NCOA7: variants seen among roughly 807,000 people sequenced by gnomAD.
NCOA7 encodes the protein 140 kDa estrogen receptor-associated protein.
Under a neutral mutation model 104.3 loss-of-function variants are expected in NCOA7, and 45 were observed. The ratio of observed to expected loss-of-function variants is 0.43; its 90% CI spans 0.34 to 0.55. The LOEUF (loss-of-function observed/expected upper bound fraction) is 0.55, where lower values mean the gene tolerates loss of function less well. NCOA7 is among the 20% of genes least tolerant of loss of function. The probability of loss-of-function intolerance (pLI) is 0.02; values close to 1 mark genes in which losing one functional copy is unlikely to be tolerated. For synonymous variants in NCOA7, 398 were observed against 402.3 expected (o/e 0.99, Z 0.13); for missense variants, 1,041 against 1,119.7 (o/e 0.93, Z 1.00).
At chr6:125,795,540 C>G (rs1264674078) in intron 1 of NCOA7, among the ~76,000 whole-genome samples, 4 of 152,154 alleles carry the variant, frequency 2.6e-5, no homozygotes, top group Admixed American at 2.0e-4. Context: ...CATTTTCTCT[C>G]CTAACCTGTC....
chr6:125,867,365 A>G (rs866300386), intron 3 of NCOA7, among the ~76,000 whole-genome samples: 3 of 152,236 alleles, frequency 2.0e-5, no homozygotes, highest in Non-Finnish European at 2.9e-5. Context: ...TATAAACCAT[A>G]AATTGATATT....
At position 125,910,604 on chromosome 6, in the gene NCOA7, T is replaced by G. The variant is rs115711792; in HGVS notation, c.2097-4729T>G. On this transcript the variant is annotated intron_variant, in intron 10 of 15. Coordinates refer to ENST00000392477, the MANE Select transcript of NCOA7 (RefSeq NM_181782.5). ...TGGTTGAAGAGAGAGAGATAGCTGGTGGGAGGGTAAAAATAATATAATCCC... is the reference window on the plus strand; with the variant it reads ...TGGTTGAAGAGAGAGAGATAGCTGGGGGGAGGGTAAAAATAATATAATCCC... 3.9e-3 allele frequency among the ~76,000 whole-genome samples: 590 copies of G among 152,306 alleles called. 8 individuals are homozygous for G. The highest frequency in any genetic ancestry group is 0.014 in the African/African-American group (569 of 41,586).
intron 3 of NCOA7, among the ~76,000 whole-genome samples, chr6:125,869,628 G>A (rs1292570140): frequency 2.0e-5 from 3 of 152,244 alleles, no homozygotes; most frequent in Admixed American, 2.0e-4. Context: ...AAAAGTGAAA[G>A]AGGGAGGCAG....
rs138319781 is a variant in NCOA7 at position 125,801,082 on chromosome 6, C to T, written c.-65+10015C>T. Among the ~76,000 whole-genome samples the T allele has an allele frequency of 2.5e-3, 378 of 152,194 alleles. 1 individual carries two copies. The highest frequency in any genetic ancestry group is 8.4e-3 in the African/African-American group (350 of 41,518). ...AATGACACAAGGTAGCATAAGTGTG[C>T]GCTGAGAAACTTAGCAGTATGAGTT... On this transcript the variant is annotated intron_variant, in intron 1 of 15. Transcript: ENST00000392477.
chr6:125,791,810 C>T lies in NCOA7; in HGVS notation c.-65+743C>T, dbSNP rs143765649. ...GCCTTGTGCCCAGCCTAACTTCCAA[C>T]TCGATGTTATGCTCTGTATTTCTCA... is the stretch of plus-strand genomic sequence containing the variant. On this transcript the variant is annotated intron_variant, in intron 1 of 15. Transcript: ENST00000392477. 5.9e-3 allele frequency among the ~76,000 whole-genome samples: 896 copies of T among 152,276 alleles called. 7 individuals carry two copies. Among genetic ancestry groups the T allele is most frequent in the African/African-American group, 0.021 (856 of 41,556 alleles).
intron 1 of NCOA7, among the ~76,000 whole-genome samples, chr6:125,811,583 C>T (rs1777007993): frequency 6.6e-6 from 1 of 152,100 alleles, no homozygotes. Flanking sequence ...AAGGTTGCCT[C>T]GTGCCTGAGG....
chr6:125,895,649 GC>G (rs1235598762), intron 10 of NCOA7, among the ~76,000 whole-genome samples: 3 of 152,166 alleles, frequency 2.0e-5, no homozygotes, highest in Non-Finnish European at 4.4e-5. Flanking sequence ...CATAGTGCTG[GC>G]CATCTCTGCT....
At chr6:125,793,403 A>G (rs1356943370) in intron 1 of NCOA7, among the ~76,000 whole-genome samples, 1 of 152,188 alleles carries the variant, frequency 6.6e-6, no homozygotes, top group Non-Finnish European at 1.5e-5. Context: ...TTAACTGCTC[A>G]GTTTAACTGC....
At chr6:125,891,698 A>G (rs566888990) in intron 10 of NCOA7, among the ~76,000 whole-genome samples, 1 of 152,312 alleles carries the variant, frequency 6.6e-6, no homozygotes, top group Non-Finnish European at 1.5e-5. Context: ...CTGGCTGACT[A>G]CTACCTAGAA....
intron 2 of NCOA7, among the ~76,000 whole-genome samples, chr6:125,836,514 C>T (rs913991137): frequency 2.6e-5 from 4 of 152,132 alleles, no homozygotes; most frequent in Non-Finnish European, 5.9e-5. Context: ...TTTATTTTCC[C>T]CCATCTGATA....
intron 2 of NCOA7, among the ~76,000 whole-genome samples, chr6:125,826,336 G>GA (rs34356104): frequency 0.015 from 1,890 of 123,784 alleles, 31 homozygotes; most frequent in African/African-American, 0.05. Flanking sequence ...GTCTCTAAAA[G>GA]AAAAAAAAAA....
chr6:125,808,452 G>A (rs560712820), intron 1 of NCOA7, among the ~76,000 whole-genome samples: 1 of 152,262 alleles, frequency 6.6e-6, no homozygotes, highest in South Asian at 2.1e-4. Context: ...GATGAATGCT[G>A]TCTTCATCTT....
intron 1 of NCOA7, among the ~76,000 whole-genome samples, chr6:125,812,940 T>C (rs1245661106): frequency 6.6e-6 from 1 of 152,194 alleles, no homozygotes; most frequent in Non-Finnish European, 1.5e-5. Context: ...AGTCCATCCC[T>C]CCTCTTTCTA....
intron 4 of NCOA7, among the ~76,000 whole-genome samples, chr6:125,877,534 G>A (rs372536365): frequency 1.3e-5 from 2 of 151,952 alleles, no homozygotes; most frequent in East Asian, 1.9e-4. Flanking sequence ...TTTTTTCTGG[G>A]TAGAGCTGTT....
intron 1 of NCOA7, chr6:125,796,695 C>T (rs1290905819): frequency 6.6e-6 from 1 of 150,598 alleles, no homozygotes; most frequent in East Asian, 2.0e-4. Context: ...CACTCTGTCG[C>T]CCAGGCTGGA....
chr6:125,836,008 T>G (rs2128597775), intron 2 of NCOA7, among the ~76,000 whole-genome samples: 1 of 152,310 alleles, frequency 6.6e-6, no homozygotes, highest in Middle Eastern at 3.4e-3. Context: ...TAAAGAACTT[T>G]CCTACTTGAG....
chr6:125,861,830 A>G (rs1219739079), intron 3 of NCOA7, among the ~76,000 whole-genome samples: 3 of 152,136 alleles, frequency 2.0e-5, no homozygotes, highest in African/African-American at 7.2e-5. Flanking sequence ...TGAGTTCAGG[A>G]GTTCGAGACC....
chr6:125,851,954 A>T (rs1781168289), intron 2 of NCOA7, among the ~76,000 whole-genome samples: 1 of 150,696 alleles, frequency 6.6e-6, no homozygotes, highest in African/African-American at 2.4e-5. Context: ...ATTATTTGCT[A>T]TTGTCTTGCT....
In NCOA7 at chr6:125,793,397, C is replaced by T. The variant is rs181568445; in HGVS notation, c.-65+2330C>T. On this transcript the variant is annotated intron_variant, in intron 1 of 15. Transcript: ENST00000392477. ...TTACAAGTAGGAGTTGAGCCTTTAA[C>T]TGCTCAGTTTAACTGCTATTACTTT... is the stretch of plus-strand genomic sequence containing the variant. Among the ~76,000 whole-genome samples the T allele has an allele frequency of 2.6e-5, 4 of 152,308 alleles. No individual in the cohort carries two copies. In the East Asian group the frequency reaches 7.7e-4, roughly 29 times the overall value.
Sources: allele counts gnomAD v4.1 joint callset (sites outside exome capture counted in the v4.1 genomes callset), GRCh38; gene constraint gnomAD v4.1.1; transcripts MANE v1.5; gene names NCBI Gene and HGNC (gene_info 2026-07-23, HGNC 2026-07-21).